Variants in HADH observed in about 807,000 individuals in gnomAD.
HADH encodes hydroxyacyl-CoA dehydrogenase.
In HADH, 24 loss-of-function variants were observed where a neutral mutation model predicts 32.2. The observed-to-expected ratio is 0.75, with a 90% CI of 0.54 to 1.05. HADH has a LOEUF of 1.05. Among genes scored for constraint, HADH ranks in the 50% least tolerant of loss-of-function variants. The probability of loss-of-function intolerance (pLI) is 0.00; values close to 1 mark genes in which losing one functional copy is unlikely to be tolerated. For synonymous variants in HADH, 139 were observed against 152.5 expected, an observed-to-expected ratio of 0.91 and a Z score of 0.65; for missense variants, 350 against 397.1, an observed-to-expected ratio of 0.88 and a Z score of 1.01.
chr4:108,010,730 C>T (rs180712703), intron 2 of HADH, among the ~76,000 whole-genome samples: 11 of 152,206 alleles, frequency 7.2e-5, no homozygotes, highest in African/African-American at 1.9e-4. Context: ...TAATTACACT[C>T]GCACATTCAT....
intron 1 of HADH, among the ~76,000 whole-genome samples, chr4:107,996,908 AAAG>A (rs1217184294): frequency 1.3e-5 from 2 of 151,552 alleles, no homozygotes; most frequent in Non-Finnish European, 2.9e-5. Context: ...AAAAAAAAAA[AAAG>A]AACAAACCAG....
intron 2 of HADH, among the ~76,000 whole-genome samples, chr4:108,013,003 G>C (rs541435978): frequency 1.3e-5 from 2 of 152,174 alleles, no homozygotes; most frequent in Non-Finnish European, 2.9e-5. Flanking sequence ...CGCGATGTCG[G>C]CTCACTGCAA....
chr4:108,000,209 G>C (rs577104028), intron 1 of HADH, among the ~76,000 whole-genome samples: 2 of 152,304 alleles, frequency 1.3e-5, no homozygotes, highest in East Asian at 3.9e-4. Context: ...AGTGTTTAGG[G>C]TGTTGGATAT....
chr4:107,992,708 A>C (rs1560719969), intron 1 of HADH, among the ~76,000 whole-genome samples: 1 of 152,224 alleles, frequency 6.6e-6, no homozygotes, highest in African/African-American at 2.4e-5. Flanking sequence ...GAATTGAATA[A>C]ATTCAATGAA....
intron 1 of HADH, among the ~76,000 whole-genome samples, chr4:108,003,408 C>G (rs893711388): frequency 1.3e-5 from 2 of 152,190 alleles, no homozygotes; most frequent in African/African-American, 4.8e-5. Context: ...GGCCGCACCT[C>G]TCAATACTAT....
intron 1 of HADH, among the ~76,000 whole-genome samples, chr4:108,007,448 G>A (rs1037808224): frequency 2.0e-5 from 3 of 152,292 alleles, no homozygotes; most frequent in African/African-American, 7.2e-5. Flanking sequence ...ATTGACTTCT[G>A]TTGGCTCTCT....
intron 1 of HADH, among the ~76,000 whole-genome samples, chr4:108,009,071 C>A (rs191565598): frequency 6.6e-6 from 1 of 152,320 alleles, no homozygotes; most frequent in African/African-American, 2.4e-5. Flanking sequence ...ATTGCCCATC[C>A]TAAATTAGCT....
At chr4:107,999,055 G>A (rs992660933) in intron 1 of HADH, among the ~76,000 whole-genome samples, 1 of 152,174 alleles carries the variant, frequency 6.6e-6, no homozygotes, top group African/African-American at 2.4e-5. Context: ...AAGTAGTTGA[G>A]AAGCTAGGTG....
chr4:108,014,699 A>G, intron 3 of HADH, 111 bp downstream of exon 3: 1 of 951,690 alleles, frequency 1.1e-6, no homozygotes, highest in South Asian at 1.4e-5. Flanking sequence ...GTTTTGTTCC[A>G]TGCCTATATT....
chr4:108,034,281 G>C lies in HADH; in HGVS notation c.869G>C (p.Ser290Thr), dbSNP rs573366998. The C allele has an allele frequency of 6.2e-7, 1 of 1,613,740 alleles. No homozygotes were observed. The highest frequency in any genetic ancestry group is 1.3e-5 in the African/African-American group (1 of 75,054). ...GCAGAGAACCCATTACATCAGCCCA[G>C]CCCATCCTTAAATAAGCTGGTAGCA... ...MDAENPLHQP[S>T]PSLNKLVAEN... Residue 290 changes from serine (S) to threonine (T), a missense_variant, in exon 8 of 8, where the codon AGC becomes ACC. By Grantham distance (58) the Ser-to-Thr change is moderately conservative. Transcript: ENST00000309522.
intron 5 of HADH, 192 bp downstream of exon 5, chr4:108,023,755 C>A (rs374414652): frequency 3.3e-6 from 2 of 614,008 alleles, no homozygotes; most frequent in Non-Finnish European, 3.0e-6. Context: ...ACTCCTAAGC[C>A]ATGCCTAAGG....
chr4:108,023,791 G>C (rs1308278443), intron 5 of HADH: 2 of 529,516 alleles, frequency 3.8e-6, no homozygotes, highest in African/African-American at 3.8e-5. Context: ...TCTGAGACCT[G>C]AATGGAGCTC....
chr4:107,994,750 A>C (rs912433582), intron 1 of HADH, among the ~76,000 whole-genome samples: 10 of 151,976 alleles, frequency 6.6e-5, no homozygotes, highest in Non-Finnish European at 1.3e-4. Context: ...CTACTTCCCG[A>C]GTTGTTGCTT....
chr4:108,000,530 A>T (rs1231936800), intron 1 of HADH, among the ~76,000 whole-genome samples: 2 of 152,224 alleles, frequency 1.3e-5, no homozygotes, highest in Non-Finnish European at 2.9e-5. Flanking sequence ...ATAACTGAGC[A>T]GCCATTGGTG....
chr4:107,997,453 G>A (rs759523180), intron 1 of HADH, among the ~76,000 whole-genome samples: 3 of 152,078 alleles, frequency 2.0e-5, no homozygotes, highest in Non-Finnish European at 4.4e-5. Flanking sequence ...CATTTACAAA[G>A]ATAAATAAAT....
At chr4:107,996,927 T>TGTG (rs1311552658) in intron 1 of HADH, among the ~76,000 whole-genome samples, 5 of 150,228 alleles carry the variant, frequency 3.3e-5, no homozygotes, top group Non-Finnish European at 5.9e-5. Context: ...ACCAGCTGGT[T>TGTG]GTGGTGGTGG....
At chr4:107,999,364 C>T (rs540394297) in intron 1 of HADH, among the ~76,000 whole-genome samples, 19 of 152,312 alleles carry the variant, frequency 1.2e-4, no homozygotes, top group South Asian at 1.0e-3. Flanking sequence ...TTTTACCTAG[C>T]GTCACAACCA....
At chr4:108,018,528 G>A (rs549410990) in intron 3 of HADH, among the ~76,000 whole-genome samples, 11 of 152,176 alleles carry the variant, frequency 7.2e-5, no homozygotes, top group African/African-American at 2.4e-4. Context: ...AAGGCTCTCC[G>A]CTGCCTACCC....
chr4:108,009,213 G>A (rs948436242), intron 1 of HADH, among the ~76,000 whole-genome samples: 1 of 152,210 alleles, frequency 6.6e-6, no homozygotes, highest in Non-Finnish European at 1.5e-5. Flanking sequence ...AGAGAGAAGG[G>A]CCAAGAGGCC....
Sources: gnomAD v4.1 joint callset for allele counts (sites outside exome capture counted in the v4.1 genomes callset) on GRCh38, gnomAD v4.1.1 for gene constraint, MANE v1.5 for transcripts, NCBI Gene and HGNC (gene_info 2026-07-23, HGNC 2026-07-21) for gene names.